The following NOSIP variants were observed in gnomAD, a reference collection of about 807,000 sequenced individuals.
NOSIP encodes the protein nitric oxide synthase-interacting protein.
Under a neutral mutation model 36.4 loss-of-function variants are expected in NOSIP, and 25 were observed. The ratio of observed to expected loss-of-function variants is 0.69; its 90% CI spans 0.50 to 0.96. NOSIP has a LOEUF of 0.96. Among genes scored for constraint, NOSIP ranks in the 40% least tolerant of loss-of-function variants. The pLI, the probability that NOSIP is intolerant of heterozygous loss-of-function variation, is 0.00. For missense variants in NOSIP, 370 were observed against 429.0 expected, an observed-to-expected ratio of 0.86 and a Z score of 1.21; for synonymous variants, 187 against 179.2, an observed-to-expected ratio of 1.04 and a Z score of -0.35.
In NOSIP at chr19:49,556,961, G is replaced by GA; in HGVS notation, c.450dup (p.Pro151SerfsTer3). 6.2e-7 allele frequency: 1 copy of GA among 1,612,080 alleles called. No individual in the cohort carries two copies. The highest frequency in any genetic ancestry group is 8.5e-7 in the Non-Finnish European group (1 of 1,179,116). On this transcript the variant is annotated frameshift_variant, in exon 6 of 9. Coordinates refer to ENST00000596358, the MANE Select transcript of NOSIP (RefSeq NM_001270960.2). LOFTEE classifies it high-confidence loss of function. The stretch of plus-strand genomic sequence containing the variant: ...AGCACTTTGTCCTTGTCCTTACTTG[G>GA]AGGACCCACACTGGGCCCAGGTTGG...
intron 1 of NOSIP, chr19:49,579,216 T>A (rs2080593018): frequency 6.6e-6 from 1 of 152,188 alleles, no homozygotes; most frequent in Non-Finnish European, 1.5e-5. Context: ...AGTCTAGAAT[T>A]ACGGTTGTTC....
At position 49,559,961 on chromosome 19, in the gene NOSIP, A is replaced by G; in HGVS notation, c.149T>C (p.Leu50Pro). The G allele has an allele frequency of 6.2e-7, 1 of 1,613,510 alleles. No homozygotes were observed. The highest frequency in any genetic ancestry group is 8.5e-7 in the Non-Finnish European group (1 of 1,179,614). The stretch of plus-strand genomic sequence containing the variant: ...GACAACAGGATCGTGGCAAGGCTGC[A>G]GGGAGAGACAACAGCAGTCGAAGTC... ...VKDFDCCCLSLQPCHDPVVTP... is the reference protein window; with the variant it reads ...VKDFDCCCLSPQPCHDPVVTP... The change falls in exon 3 of 9, where the codon CTG becomes CCG. Residue 50 changes from leucine to proline, a missense_variant. Leu to Pro is a moderately conservative substitution (Grantham distance 98). Coordinates refer to ENST00000596358, the MANE Select transcript of NOSIP (RefSeq NM_001270960.2).
Position 49,560,094 on chromosome 19 carries a change from C to G in NOSIP, c.71-55G>C, listed in dbSNP as rs951586996. ...GGGGCGGAGCAACAGGAGACATGTC[C>G]GTCTCCAAAGCCCCAGAGAGAGGCA... On this transcript the variant is annotated intron_variant, in intron 2 of 8. Coordinates refer to ENST00000596358, the MANE Select transcript of NOSIP (RefSeq NM_001270960.2). This position sits in a 1 kb window ranked among gnomAD's most constrained non-coding sequence, Gnocchi z 4.6. The G allele has an allele frequency of 1.7e-6, 2 of 1,210,646 alleles. No homozygotes were observed. The highest frequency in any genetic ancestry group is 2.4e-6 in the Non-Finnish European group (2 of 834,844). The allele number at this position is 1,210,646 out of a possible 1,614,324, so 75.0% of individuals were successfully genotyped here.
intron 1 of NOSIP, among the ~76,000 whole-genome samples, chr19:49,570,028 G>T (rs892948897): frequency 6.6e-6 from 1 of 152,026 alleles, no homozygotes; most frequent in African/African-American, 2.4e-5. Flanking sequence ...AGAATCGCTT[G>T]AACCCAGGAG....
intron 1 of NOSIP, among the ~76,000 whole-genome samples, chr19:49,576,915 A>G (rs1483365788): frequency 6.7e-6 from 1 of 149,770 alleles, no homozygotes; most frequent in Admixed American, 6.7e-5. Context: ...AAAAATCAGG[A>G]TATCTGATAA....
intron 1 of NOSIP, chr19:49,566,795 A>C (rs1326201969): frequency 1.1e-5 from 1 of 89,994 alleles, no homozygotes; most frequent in Non-Finnish European, 1.9e-5. Flanking sequence ...ATATACATAC[A>C]TATATATATA....
chr19:49,556,474 G>A (rs2080248121), intron 7 of NOSIP, 49 bp from the exon 8 acceptor site: 3 of 1,607,936 alleles, frequency 1.9e-6, no homozygotes, highest in Non-Finnish European at 2.5e-6. Flanking sequence ...CCTTCCTGGG[G>A]ACCTACTGGC....
chr19:49,572,335 G>A (rs971535382), intron 1 of NOSIP, among the ~76,000 whole-genome samples: 16 of 149,244 alleles, frequency 1.1e-4, no homozygotes, highest in Non-Finnish European at 4.4e-5. Flanking sequence ...TCGAACTCCT[G>A]ACCTCAGGTG....
chr19:49,566,155 C>G (rs112971713), intron 1 of NOSIP, among the ~76,000 whole-genome samples: 16,535 of 151,708 alleles, frequency 0.11, 2,393 homozygotes, highest in African/African-American at 0.32. Context: ...GAGTAGCTGG[C>G]ACTACAGGCG....
At chr19:49,575,425 G>T (rs960433892) in intron 1 of NOSIP, among the ~76,000 whole-genome samples, 2 of 152,056 alleles carry the variant, frequency 1.3e-5, no homozygotes, top group African/African-American at 4.8e-5. Context: ...ATACGAATCT[G>T]GGGGGGACAT....
At position 49,556,864 on chromosome 19, in the gene NOSIP, T is replaced by TG. The variant is rs1323573031; in HGVS notation, c.537+10dup. The TG allele has an allele frequency of 4.4e-6, 7 of 1,608,744 alleles. No individual in the cohort carries two copies. Among genetic ancestry groups the TG allele is most frequent in the Non-Finnish European group, 5.1e-6 (6 of 1,175,686 alleles). On this transcript the variant is annotated intron_variant, in intron 6 of 8. Coordinates refer to ENST00000596358, the MANE Select transcript of NOSIP (RefSeq NM_001270960.2). Reference sequence around the variant, plus strand: ...TGGCACCGTGCGTGCCGGGGCGCTGTGGGGGCTCACCGGCTTCTCCAGCTT... The same window carrying TG: ...TGGCACCGTGCGTGCCGGGGCGCTGTGGGGGGCTCACCGGCTTCTCCAGCTT...
intron 1 of NOSIP, among the ~76,000 whole-genome samples, chr19:49,573,390 G>A (rs1395505359): frequency 6.6e-6 from 1 of 152,152 alleles, no homozygotes; most frequent in Non-Finnish European, 1.5e-5. Context: ...GCACTTGACC[G>A]TGCCCTGAGC....
chr19:49,562,385 A>T lies in NOSIP; in HGVS notation c.-1-1693T>A, dbSNP rs181192547. On this transcript the variant is annotated intron_variant, in intron 1 of 8. Transcript: ENST00000596358. Reference sequence around the variant, plus strand: ...GTGATCCACCTGCCTCAGCCTCCCAAAGTGCTGGGATTACAGGCGTGAGTC... The same window carrying T: ...GTGATCCACCTGCCTCAGCCTCCCATAGTGCTGGGATTACAGGCGTGAGTC... Among the ~76,000 whole-genome samples, 3 of 151,816 alleles carry T rather than the reference A, an allele frequency of 2.0e-5. No homozygotes were observed. In the East Asian group the frequency reaches 5.9e-4, roughly 30 times the overall value.
intron 1 of NOSIP, among the ~76,000 whole-genome samples, chr19:49,566,960 C>T (rs149266629): frequency 0.1 from 15,510 of 150,416 alleles, 2,111 homozygotes; most frequent in African/African-American, 0.3. Flanking sequence ...GGATTACAGG[C>T]GCGCACCACC....
chr19:49,556,656 G>A lies in NOSIP; in HGVS notation c.618C>T (p.Asp206=), dbSNP rs991270581. The A allele has an allele frequency of 1.9e-6, 3 of 1,611,548 alleles. No individual in the cohort carries two copies. The highest frequency in any genetic ancestry group is 2.2e-5 in the South Asian group (2 of 91,020). ...TGAGCCCCACGCGGTCCACGGAGCT[G>A]TCTAGCGGTGTGAAGTGCACGGGCG... ...DLTPVHFTPL[D]SSVDRVGLIT... Residue 206 remains aspartate (D), a synonymous_variant, in exon 7 of 9, where the codon GAC becomes GAT. Transcript: ENST00000596358.
At chr19:49,557,351 G>A in intron 4 of NOSIP, 102 bp from the exon 5 acceptor site, 2 of 1,467,648 alleles carry the variant, frequency 1.4e-6, no homozygotes, top group South Asian at 2.7e-5. Flanking sequence ...GGGACCCTCT[G>A]ATGGAGGCAC....
intron 1 of NOSIP, among the ~76,000 whole-genome samples, chr19:49,580,294 G>C (rs573164464): frequency 7.0e-6 from 1 of 141,892 alleles, no homozygotes; most frequent in South Asian, 2.6e-4. Flanking sequence ...TATAGTGAGA[G>C]AGAGAGACAA....
intron 1 of NOSIP, among the ~76,000 whole-genome samples, chr19:49,571,153 T>G (rs2122162170): frequency 6.6e-6 from 1 of 150,598 alleles, no homozygotes; most frequent in Non-Finnish European, 1.5e-5. Context: ...TTTTTTTTTT[T>G]TTTGTATTTT....
intron 5 of NOSIP, 32 bp from the exon 6 acceptor site, chr19:49,557,025 C>T (rs1467010131): frequency 1.9e-6 from 3 of 1,593,466 alleles, no homozygotes; most frequent in Non-Finnish European, 2.6e-6. Flanking sequence ...CAGATGCCGC[C>T]CCCTGGGCCC....
Sources: gnomAD v4.1 joint callset for allele counts (sites outside exome capture counted in the v4.1 genomes callset) on GRCh38, gnomAD v4.1.1 for gene constraint, Gnocchi (gnomAD v3.1) non-coding constraint, MANE v1.5 for transcripts, NCBI Gene and HGNC (gene_info 2026-07-23, HGNC 2026-07-21) for gene names.